The following NEK1 variants were observed in gnomAD, a reference collection of about 807,000 sequenced individuals.
NEK1 encodes the protein serine/threonine-protein kinase Nek1.
Under a neutral mutation model 182.1 loss-of-function variants are expected in NEK1, and 137 were observed. The observed-to-expected ratio is 0.75, with a 90% CI of 0.65 to 0.87. The LOEUF (loss-of-function observed/expected upper bound fraction) is 0.87. Ranked by LOEUF, NEK1 falls within the 40% of genes least tolerant of loss-of-function variation. The pLI is 0.00. For synonymous variants in NEK1, 513 were observed against 492.2 expected (o/e 1.04, Z -0.56); for missense variants, 1,391 against 1,494.4 (o/e 0.93, Z 1.14).
At chr4:169,587,711 G>A (rs1253177102) in intron 8 of NEK1, 98 bp from the exon 9 acceptor site, 2 of 663,974 alleles carry the variant, frequency 3.0e-6, no homozygotes, top group South Asian at 2.3e-5. Context: ...AAAAATATGT[G>A]CTCCAGAAAA....
At chr4:169,396,412 T>C (rs1225960378) in intron 35 of NEK1, among the ~76,000 whole-genome samples, 7 of 130,042 alleles carry the variant, frequency 5.4e-5, no homozygotes, top group Admixed American at 4.9e-4. Context: ...ATCTATAAAC[T>C]TGGGCCGCTA....
chr4:169,499,618 A>G (rs539105889), intron 23 of NEK1, among the ~76,000 whole-genome samples: 31 of 152,236 alleles, frequency 2.0e-4, no homozygotes, highest in Non-Finnish European at 3.4e-4. Flanking sequence ...TTTCCCCCCA[A>G]CAGTCAGGAC....
At chr4:169,553,056 A>G (rs1377103143) in intron 18 of NEK1, among the ~76,000 whole-genome samples, 1 of 152,218 alleles carries the variant, frequency 6.6e-6, no homozygotes, top group Non-Finnish European at 1.5e-5. Flanking sequence ...TAGTCTTTAG[A>G]TATGGACAAA....
At chr4:169,442,712 G>A (rs771730420) in intron 27 of NEK1, among the ~76,000 whole-genome samples, 3 of 152,162 alleles carry the variant, frequency 2.0e-5, no homozygotes, top group Non-Finnish European at 2.9e-5. Flanking sequence ...TGGTCTCAAT[G>A]AGAAATTCAA....
rs368032168 is a variant in NEK1, at chr4:169,463,229, C to A, written c.2587+14G>T. ...ATTACTTCTAGTATAGAAAAACTAC[C>A]AGTTTCTCCTTACCACTTCTAATAG... On this transcript the variant is annotated intron_variant, in intron 27 of 35. Coordinates refer to ENST00000507142, the MANE Select transcript of NEK1 (RefSeq NM_001199397.3). The A allele has an allele frequency of 7.6e-5, 107 of 1,411,270 alleles. 1 individual carries two copies. In the Middle Eastern group the frequency reaches 1.3e-3, roughly 17 times the overall value. 87.4% of individuals were successfully genotyped at this position (1,411,270 alleles called of 1,614,324 possible).
intron 31 of NEK1, among the ~76,000 whole-genome samples, chr4:169,421,617 T>C (rs1735504509): frequency 6.6e-6 from 1 of 152,170 alleles, no homozygotes; most frequent in South Asian, 2.1e-4. Context: ...TCTCCCTCTC[T>C]CTGTCTCCTG....
At chr4:169,502,495 G>A (rs1203606505) in intron 23 of NEK1, among the ~76,000 whole-genome samples, 1 of 151,982 alleles carries the variant, frequency 6.6e-6, no homozygotes, top group African/African-American at 2.4e-5. Context: ...TAAAATATTA[G>A]CAAACTAAAT....
chr4:169,604,702 A>AT (rs1771050368), intron 2 of NEK1, among the ~76,000 whole-genome samples: 1 of 152,164 alleles, frequency 6.6e-6, no homozygotes, highest in South Asian at 2.1e-4. Context: ...GACAAACATC[A>AT]TATGCTGTGC....
intron 2 of NEK1, among the ~76,000 whole-genome samples, chr4:169,607,354 G>C (rs1440323606): frequency 6.6e-6 from 1 of 152,104 alleles, no homozygotes; most frequent in African/African-American, 2.4e-5. Context: ...TAGAGGACTT[G>C]AAAGTAACCA....
intron 27 of NEK1, among the ~76,000 whole-genome samples, chr4:169,446,486 C>A (rs550639849): frequency 6.6e-6 from 1 of 152,156 alleles, no homozygotes; most frequent in South Asian, 2.1e-4. Context: ...ATATCAAATT[C>A]TTCAACACCC....
At chr4:169,490,666 T>C (rs886682671) in intron 23 of NEK1, among the ~76,000 whole-genome samples, 3 of 151,874 alleles carry the variant, frequency 2.0e-5, no homozygotes, top group African/African-American at 7.3e-5. Flanking sequence ...GGCTGAAGAA[T>C]TCAATGAATG....
intron 23 of NEK1, among the ~76,000 whole-genome samples, chr4:169,498,705 G>T (rs977473741): frequency 1.3e-5 from 2 of 152,244 alleles, no homozygotes; most frequent in Non-Finnish European, 1.5e-5. Flanking sequence ...TTGAAAATTC[G>T]TTTCTTTAAG....
intron 18 of NEK1, among the ~76,000 whole-genome samples, chr4:169,538,902 C>T (rs558170817): frequency 1.3e-5 from 2 of 152,128 alleles, no homozygotes; most frequent in Admixed American, 6.6e-5. Context: ...TCTTTGGCAA[C>T]GATTACTAAC....
intron 11 of NEK1, among the ~76,000 whole-genome samples, chr4:169,579,365 A>G (rs915645039): frequency 3.9e-5 from 6 of 152,184 alleles, no homozygotes; most frequent in Non-Finnish European, 7.3e-5. Flanking sequence ...TTTGATTAAG[A>G]TATGACTTCT....
intron 2 of NEK1, among the ~76,000 whole-genome samples, chr4:169,607,453 A>T (rs1355664855): frequency 2.0e-5 from 3 of 151,848 alleles, no homozygotes; most frequent in South Asian, 2.1e-4. Flanking sequence ...AAGAATTAAA[A>T]TTTTTTTTTA....
chr4:169,412,791 G>A (rs1306249422), intron 31 of NEK1, among the ~76,000 whole-genome samples: 1 of 150,014 alleles, frequency 6.7e-6, no homozygotes, highest in Admixed American at 6.7e-5. Context: ...ATCACCACAA[G>A]ACTAGAGAAC....
chr4:169,562,805 T>A (rs72692941), intron 12 of NEK1, among the ~76,000 whole-genome samples: 13,551 of 152,182 alleles, frequency 0.089, 791 homozygotes, highest in African/African-American at 0.16. Context: ...TTTGGTTACA[T>A]GGATGAAATG....
intron 23 of NEK1, among the ~76,000 whole-genome samples, chr4:169,487,850 G>A (rs1749324391): frequency 6.6e-6 from 1 of 151,804 alleles, no homozygotes; most frequent in African/African-American, 2.4e-5. Context: ...TTTAATAATT[G>A]CCATTCTGAC....
chr4:169,507,616 G>A (rs1206458840), intron 22 of NEK1, 99 bp downstream of exon 22: 3 of 657,460 alleles, frequency 4.6e-6, no homozygotes, highest in Non-Finnish European at 4.9e-6. Context: ...ATTAAAGGAA[G>A]AGACTAAAGT....
Sources: allele counts gnomAD v4.1 joint callset (sites outside exome capture counted in the v4.1 genomes callset), GRCh38; gene constraint gnomAD v4.1.1; transcripts MANE v1.5; gene names NCBI Gene and HGNC (gene_info 2026-07-23, HGNC 2026-07-21).